The following AHNAK variants were observed in gnomAD, a reference collection of about 807,000 sequenced individuals.
The protein encoded by AHNAK is AHNAK nucleoprotein.
Under a neutral mutation model 37.8 loss-of-function variants are expected in AHNAK, and 23 were observed. That is an observed-to-expected ratio of 0.61 (90% CI 0.44 to 0.86). The LOEUF is 0.86. Among genes scored for constraint, AHNAK ranks in the 40% least tolerant of loss-of-function variants. The pLI, the probability that AHNAK is intolerant of heterozygous loss-of-function variation, is 0.00. For missense variants in AHNAK, 7,411 were observed against 7,319.4 expected (o/e 1.01, Z -0.46); for synonymous variants, 2,481 against 2,636.3 (o/e 0.94, Z 1.80).
At chr11:62,465,481 CAG>C in intron 5 of AHNAK, among the ~76,000 whole-genome samples, 1 of 152,114 alleles carries the variant, frequency 6.6e-6, no homozygotes, top group Admixed American at 6.6e-5. Context: ...GGCGTTGTGG[CAG>C]GCGCCTGTAA....
downstream of AHNAK, among the ~76,000 whole-genome samples, chr11:62,514,534 C>A (rs1939972570): frequency 6.6e-6 from 1 of 152,152 alleles, no homozygotes; most frequent in Non-Finnish European, 1.5e-5. Flanking sequence ...GATTTCATGC[C>A]AACTCTTGTG....
chr11:62,462,995 G>T (rs1019842317), intron 5 of AHNAK, among the ~76,000 whole-genome samples: 8 of 151,834 alleles, frequency 5.3e-5, no homozygotes, highest in African/African-American at 1.9e-4. Context: ...GCCGGGCGTG[G>T]TGCCTGTAAT....
chr11:62,511,703 C>T (rs757137709), downstream of AHNAK, among the ~76,000 whole-genome samples: 5 of 152,110 alleles, frequency 3.3e-5, no homozygotes, highest in Admixed American at 6.5e-5. Context: ...TTTAAGAAAC[C>T]TCGATGTATA....
chr11:62,505,149 G>A lies in AHNAK; in HGVS notation c.343-13318C>T, dbSNP rs925761508. ...GGGTGAGGTCCCGTGGCCACCCCTT[G>A]GGAGGTGTATACCTGGTCTCAGCAG... On this transcript the variant is annotated intron_variant, in intron 4 of 5. Coordinates refer to the AHNAK transcript ENST00000257247. 2.0e-5 allele frequency among the ~76,000 whole-genome samples: 3 copies of A among 152,182 alleles called. No homozygotes were observed. The East Asian group carries it at 5.8e-4, about 29-fold the overall frequency.
At chr11:62,449,891 T>C (rs1938496051) in intron 5 of AHNAK, among the ~76,000 whole-genome samples, 1 of 152,130 alleles carries the variant, frequency 6.6e-6, no homozygotes. Flanking sequence ...AAGGTATAAT[T>C]GCTGTGAATA....
At chr11:62,468,168 C>T (rs547165707) in intron 5 of AHNAK, among the ~76,000 whole-genome samples, 1 of 152,130 alleles carries the variant, frequency 6.6e-6, no homozygotes, top group East Asian at 1.9e-4. Context: ...GGCAACATGG[C>T]AAGACTCCGT....
intron 5 of AHNAK, among the ~76,000 whole-genome samples, chr11:62,447,022 G>T (rs1938434261): frequency 6.6e-6 from 1 of 151,662 alleles, no homozygotes; most frequent in South Asian, 2.1e-4. Context: ...CCCCTCCCCT[G>T]CCAAAATGTG....
At chr11:62,484,049 A>G (rs111964166) in intron 5 of AHNAK, among the ~76,000 whole-genome samples, 44 of 150,502 alleles carry the variant, frequency 2.9e-4, no homozygotes, top group African/African-American at 1.0e-3. Context: ...AAAAAAAAAA[A>G]AAAAAAAGAA....
Position 62,521,546 on chromosome 11 carries a change from C to A in AHNAK, c.12871G>T (p.Val4291Phe). 1 of 1,611,592 alleles carries A rather than the reference C, an allele frequency of 6.2e-7. No homozygotes were observed. The highest frequency in any genetic ancestry group is 1.1e-5 in the South Asian group (1 of 90,926). ...TCCACTTTGGGGCCCTTGATGTCAA[C>A]TTCTGGGCCCTTGAGGTCACCTTCC... ...KVEGDLKGPE[V>F]DIKGPKVDID... The change falls in exon 5 of 5, where the codon GTT becomes TTT. Residue 4291 changes from valine to phenylalanine, a missense_variant. Val to Phe is a conservative substitution (Grantham distance 50, BLOSUM62 -1). Coordinates refer to ENST00000378024, the MANE Select transcript of AHNAK (RefSeq NM_001620.3).
chr11:62,535,726 T>C (rs1940922273), intron 3 of AHNAK, among the ~76,000 whole-genome samples: 1 of 150,874 alleles, frequency 6.6e-6, no homozygotes, highest in South Asian at 2.1e-4. Context: ...GAGGACCAGG[T>C]GTCCACTACC....
At chr11:62,496,121 T>C (rs977763979) in intron 4 of AHNAK, among the ~76,000 whole-genome samples, 8 of 151,820 alleles carry the variant, frequency 5.3e-5, no homozygotes, top group Non-Finnish European at 1.2e-4. Context: ...GATTCTATAG[T>C]AGCTGGACTA....
At chr11:62,443,275 CTTT>C (rs530619642) in intron 5 of AHNAK, among the ~76,000 whole-genome samples, 2 of 99,758 alleles carry the variant, frequency 2.0e-5, no homozygotes. Context: ...TGCACCCGGC[CTTT>C]TTTTTTTTTT....
In AHNAK at chr11:62,524,105, G is replaced by A. The variant is rs1940378961; in HGVS notation, c.10312C>T (p.Pro3438Ser). ...CCTTTAAAGTCACCTTCTAAATTGG[G>A]ACCTGCAATATCTAAGTCTCCTTTG... is the stretch of plus-strand genomic sequence containing the variant. ...KVKGDLDIAGPNLEGDFKGPK... is the reference protein window; with the variant it reads ...KVKGDLDIAGSNLEGDFKGPK... Residue 3438 changes from proline to serine, a missense_variant, in exon 5 of 5, where the codon CCC (proline) becomes TCC (serine). Pro to Ser is a moderately conservative substitution (Grantham distance 74). Coordinates refer to ENST00000378024, the MANE Select transcript of AHNAK (RefSeq NM_001620.3). The A allele has an allele frequency of 1.2e-6, 2 of 1,613,972 alleles. No individual in the cohort carries two copies. Among genetic ancestry groups the A allele is most frequent in the African/African-American group, 2.7e-5 (2 of 74,886 alleles).
chr11:62,522,320 G>T lies in AHNAK; in HGVS notation c.12097C>A (p.Pro4033Thr), dbSNP rs150844811. Residue 4033 changes from proline (P) to threonine (T), a missense_variant, in exon 5 of 5, where the codon CCT becomes ACT. By Grantham distance (38) the Pro-to-Thr change is conservative. Coordinates refer to ENST00000378024, the MANE Select transcript of AHNAK (RefSeq NM_001620.3). ...LPKMEGDLKA[P>T]EVDIKGPKVD... ...TTGGGGCCCTTGATGTCAACTTCAGGGGCCTTTAGATCACCTTCCATCTTA... is the reference window on the plus strand; with the variant it reads ...TTGGGGCCCTTGATGTCAACTTCAGTGGCCTTTAGATCACCTTCCATCTTA... The T allele has an allele frequency of 8.2e-5, 132 of 1,613,046 alleles. No homozygotes were observed. Among genetic ancestry groups the T allele is most frequent in the Non-Finnish European group, 2.6e-5 (31 of 1,179,816 alleles).
rs1941321158 is a variant in AHNAK, at chr11:62,546,644, C to A, written c.-100+16G>T. The A allele has an allele frequency of 6.6e-6, 1 of 152,320 alleles. No individual in the cohort carries two copies. The highest frequency in any genetic ancestry group is 6.5e-5 in the Admixed American group (1 of 15,292). 9.4% of individuals were successfully genotyped at this position (152,320 alleles called of 1,614,324 possible). On this transcript the variant is annotated intron_variant, in intron 1 of 4. Transcript: ENST00000378024. ...CCCGGACCCCGATGGCGCCACGGTGCGCCTGGCGCCCCTACCTGAGGGCTC... is the reference window on the plus strand; with the variant it reads ...CCCGGACCCCGATGGCGCCACGGTGAGCCTGGCGCCCCTACCTGAGGGCTC...
intron 4 of AHNAK, among the ~76,000 whole-genome samples, chr11:62,502,695 T>C (rs2134175219): frequency 6.6e-6 from 1 of 152,162 alleles, no homozygotes; most frequent in Non-Finnish European, 1.5e-5. Context: ...CATGAATGCG[T>C]GAGATAGCTG....
chr11:62,521,471 T>A lies in AHNAK; in HGVS notation c.12946A>T (p.Met4316Leu), dbSNP rs143316443. The change falls in exon 5 of 5, where the codon ATG (methionine) becomes TTG (leucine). Residue 4316 changes from methionine (M) to leucine (L), a missense_variant. Physicochemically the swap from Met to Leu is conservative, Grantham distance 15 (BLOSUM62 2). Transcript: ENST00000378024. ...DVHGPDWHLK[M>L]PKVKMPKFSM... Reference sequence around the variant, plus strand: ...AATTTGGGCATTTTCACCTTGGGCATCTTCAGGTGCCAGTCTGGGCCATGA... The same window carrying A: ...AATTTGGGCATTTTCACCTTGGGCAACTTCAGGTGCCAGTCTGGGCCATGA... The A allele has an allele frequency of 1.9e-6, 3 of 1,612,132 alleles. No homozygotes were observed. The highest frequency in any genetic ancestry group is 2.5e-6 in the Non-Finnish European group (3 of 1,179,590).
rs541131914 is a variant in AHNAK, at chr11:62,529,114, T to C, written c.5303A>G (p.Lys1768Arg). Residue 1768 changes from lysine to arginine, a missense_variant, in exon 5 of 5, where the codon AAA (lysine) becomes AGA (arginine). Transcript: ENST00000378024. ...EGPEGKLKGS[K>R]FKMPKLNIKA... ...TATATTCAACTTGGGCATCTTAAAT[T>C]TGGAGCCTTTCAACTTTCCTTCTGG... The C allele has an allele frequency of 2.5e-6, 4 of 1,614,074 alleles. No homozygotes were observed. Among genetic ancestry groups the C allele is most frequent in the East Asian group, 4.5e-5 (2 of 44,876 alleles).
chr11:62,520,855 A>G lies in AHNAK; in HGVS notation c.13562T>C (p.Met4521Thr), dbSNP rs1413613267. 5 of 1,614,064 alleles carry G rather than the reference A, an allele frequency of 3.1e-6. No individual in the cohort carries two copies. In the Admixed American group the frequency reaches 8.3e-5, roughly 27 times the overall value. ...TTTCAAATTCAAATCAATGTCACTC[A>G]TGGAGATTTGTGGGCTTTTGAAATG... ...DVHFKSPQIS[M>T]SDIDLNLKGP... The change falls in exon 5 of 5, where the codon ATG (methionine) becomes ACG (threonine). Residue 4521 changes from methionine (M) to threonine (T), a missense_variant. By Grantham distance (81) the Met-to-Thr change is moderately conservative (BLOSUM62 -1). Coordinates refer to ENST00000378024, the MANE Select transcript of AHNAK (RefSeq NM_001620.3).
Sources: gnomAD v4.1 joint callset for allele counts (sites outside exome capture counted in the v4.1 genomes callset) on GRCh38, gnomAD v4.1.1 for gene constraint, MANE v1.5 for transcripts, NCBI Gene and HGNC (gene_info 2026-07-23, HGNC 2026-07-21) for gene names.